The following RPTOR variants were observed in gnomAD, a reference collection of about 807,000 sequenced individuals.
RPTOR encodes the protein regulatory-associated protein of mTOR.
In RPTOR, 21 loss-of-function variants were observed where a neutral mutation model predicts 169.9. The ratio of observed to expected loss-of-function variants is 0.12; its 90% CI spans 0.09 to 0.18. The LOEUF (loss-of-function observed/expected upper bound fraction) is 0.18, where lower values mean the gene tolerates loss of function less well. RPTOR is among the 10% of genes least tolerant of loss of function. The pLI, the probability that RPTOR is intolerant of heterozygous loss-of-function variation, is 1.00. For synonymous variants in RPTOR, 732 were observed against 753.2 expected (o/e 0.97, Z 0.46); for missense variants, 1,133 against 1,855.9 (o/e 0.61, Z 7.16).
intron 6 of RPTOR, among the ~76,000 whole-genome samples, chr17:80,782,973 G>A (rs559788219): frequency 4.0e-4 from 61 of 152,348 alleles, no homozygotes; most frequent in South Asian, 8.3e-4. Context: ...ACACCCCAGA[G>A]CTACTGGGGG....
At chr17:80,619,479 T>C (rs529066231) in intron 1 of RPTOR, among the ~76,000 whole-genome samples, 2 of 152,290 alleles carry the variant, frequency 1.3e-5, no homozygotes, top group East Asian at 3.9e-4. Flanking sequence ...CTTTGAATTC[T>C]TTGGGAGGTG....
At position 80,754,097 on chromosome 17, in the gene RPTOR, G is replaced by A; in HGVS notation, c.742G>A (p.Ala248Thr). 6.2e-7 allele frequency: 1 copy of A among 1,613,956 alleles called. No individual in the cohort carries two copies. Among genetic ancestry groups the A allele is most frequent in the Non-Finnish European group, 8.5e-7 (1 of 1,180,006 alleles). The change falls in exon 6 of 34, where the codon GCC (alanine) becomes ACC (threonine). Residue 248 changes from alanine to threonine, a missense_variant. This residue lies in a region of RPTOR where 289 missense variants were observed against 585.8 expected (regional missense o/e 0.49). Transcript: ENST00000306801. The surrounding 1 kb of genome is among the most constrained non-coding windows in gnomAD (Gnocchi z 4.2). Reference protein sequence around the residue: ...KNCIQLAACEATELLPMIPDL... With the variant: ...KNCIQLAACETTELLPMIPDL... ...CTGCATCCAGCTGGCAGCCTGCGAG[G>A]CCACCGAGCTGCTGCCCATGATCCC...
intron 6 of RPTOR, among the ~76,000 whole-genome samples, chr17:80,756,361 G>A (rs907793835): frequency 6.6e-6 from 1 of 152,242 alleles, no homozygotes; most frequent in Non-Finnish European, 1.5e-5. Flanking sequence ...TAGATGAAGA[G>A]AAGCTGCTTG....
chr17:80,756,274 G>C (rs577558609), intron 6 of RPTOR, among the ~76,000 whole-genome samples: 2 of 152,316 alleles, frequency 1.3e-5, no homozygotes, highest in Admixed American at 1.3e-4. Flanking sequence ...GGCACAGCAA[G>C]AAGGTCCTTG....
At chr17:80,886,466 T>A (rs2068247751) in intron 17 of RPTOR, among the ~76,000 whole-genome samples, 1 of 152,250 alleles carries the variant, frequency 6.6e-6, no homozygotes, top group Admixed American at 6.5e-5. Context: ...GAATTCTTTT[T>A]CCCACATCAA....
At chr17:80,812,463 T>G (rs1259372042) in intron 7 of RPTOR, among the ~76,000 whole-genome samples, 1 of 152,078 alleles carries the variant, frequency 6.6e-6, no homozygotes, top group Non-Finnish European at 1.5e-5. Flanking sequence ...CCTTTTAGAG[T>G]CTCAGCTCAA....
At chr17:80,867,382 C>T (rs1303338225) in intron 13 of RPTOR, among the ~76,000 whole-genome samples, 2 of 151,542 alleles carry the variant, frequency 1.3e-5, no homozygotes, top group African/African-American at 2.4e-5. Context: ...AAACTCCCTG[C>T]AGACTCCTAA....
At chr17:80,798,169 C>T (rs1292036793) in intron 7 of RPTOR, among the ~76,000 whole-genome samples, 1 of 152,210 alleles carries the variant, frequency 6.6e-6, no homozygotes, top group Non-Finnish European at 1.5e-5. Flanking sequence ...GCAAGGGAGT[C>T]ACCTCTCTGA....
At chr17:80,926,427 C>T (rs529942723) in intron 24 of RPTOR, among the ~76,000 whole-genome samples, 1 of 152,328 alleles carries the variant, frequency 6.6e-6, no homozygotes, top group Admixed American at 6.5e-5. Flanking sequence ...AAGCATCAAA[C>T]GCCTTAAATA....
rs562109125 is a variant in RPTOR, at chr17:80,550,798, G to A, written c.162+5007G>A. ...TGCAGCCCCAGTCCAGGCAGCCACC[G>A]TCTCTTGTCTGGACACTGCATTTGT... On this transcript the variant is annotated intron_variant, in intron 1 of 33. Transcript: ENST00000306801. Among the ~76,000 whole-genome samples, 17 of 152,296 alleles carry A rather than the reference G, an allele frequency of 1.1e-4. No individual in the cohort carries two copies. The East Asian group carries it at 1.5e-3, about 14-fold the overall frequency.
chr17:80,659,518 AT>A lies in RPTOR; in HGVS notation c.348+15716del, dbSNP rs1163266027. ...GGCTAATTTTTATTTTTATTTATTT[AT>A]TTTTTTTCAGTTGGAGTTTCTCTCT... On this transcript the variant is annotated intron_variant, in intron 3 of 33. Transcript: ENST00000306801. This position sits in a 1 kb window ranked among gnomAD's most constrained non-coding sequence, Gnocchi z 4.3. 6.6e-6 allele frequency among the ~76,000 whole-genome samples: 1 copy of A among 150,950 alleles called. No homozygotes were observed. The highest frequency in any genetic ancestry group is 1.5e-5 in the Non-Finnish European group (1 of 67,768).
intron 1 of RPTOR, among the ~76,000 whole-genome samples, chr17:80,621,937 A>G (rs1189003436): frequency 6.6e-6 from 1 of 152,226 alleles, no homozygotes; most frequent in Non-Finnish European, 1.5e-5. Context: ...CGGCGGTGGC[A>G]CTTGGCCACG....
rs1340303209 is a variant in RPTOR at position 80,957,464 on chromosome 17, T to A, written c.3371-160T>A. Among the ~76,000 whole-genome samples, 1 of 152,232 alleles carries A rather than the reference T, an allele frequency of 6.6e-6. No individual in the cohort carries two copies. The highest frequency in any genetic ancestry group is 1.5e-5 in the Non-Finnish European group (1 of 68,042). On this transcript the variant is annotated intron_variant, in intron 28 of 33. Coordinates refer to ENST00000306801, the MANE Select transcript of RPTOR (RefSeq NM_020761.3). This position sits in a 1 kb window ranked among gnomAD's most constrained non-coding sequence, Gnocchi z 4.6. ...TGGACGTGGGGCACACCAGGGTCCCTAGCGGGAGCTCATATGAGGCATATG... is the reference window on the plus strand; with the variant it reads ...TGGACGTGGGGCACACCAGGGTCCCAAGCGGGAGCTCATATGAGGCATATG...
chr17:80,693,068 T>C (rs2066006129), intron 3 of RPTOR, among the ~76,000 whole-genome samples: 1 of 152,272 alleles, frequency 6.6e-6, no homozygotes, highest in African/African-American at 2.4e-5. Context: ...TTCTTGTTGC[T>C]GTATTAGACT....
At chr17:80,784,262 T>A (rs1007861998) in intron 6 of RPTOR, among the ~76,000 whole-genome samples, 6 of 152,152 alleles carry the variant, frequency 3.9e-5, no homozygotes, top group Non-Finnish European at 8.8e-5. Context: ...CACATACTTT[T>A]AAATTTAGTT....
At chr17:80,963,169 C>A in intron 33 of RPTOR, 112 bp downstream of exon 33, 1 of 1,058,028 alleles carries the variant, frequency 9.5e-7, no homozygotes, top group Non-Finnish European at 1.4e-6. Context: ...CACAGTGGGG[C>A]CCATTGGCTG....
chr17:80,646,580 T>C lies in RPTOR; in HGVS notation c.348+2770T>C, dbSNP rs1415157489. ...GTGTGCAAGGGGCCTGGTTCCTGAC[T>C]GTAAATCAGGGTCCTTTGAAACATT... On this transcript the variant is annotated intron_variant, in intron 3 of 33. Transcript: ENST00000306801. This position sits in a 1 kb window ranked among gnomAD's most constrained non-coding sequence, Gnocchi z 5.0. 2.6e-5 allele frequency among the ~76,000 whole-genome samples: 4 copies of C among 152,212 alleles called. No homozygotes were observed. The highest frequency in any genetic ancestry group is 5.9e-5 in the Non-Finnish European group (4 of 68,026).
At chr17:80,945,111 C>A (rs570126016) in intron 25 of RPTOR, among the ~76,000 whole-genome samples, 2 of 151,162 alleles carry the variant, frequency 1.3e-5, no homozygotes, top group African/African-American at 2.4e-5. Flanking sequence ...CCGGGCAACA[C>A]AGTAAGACCC....
chr17:80,926,210 C>G (rs1333168849), intron 24 of RPTOR, among the ~76,000 whole-genome samples: 2 of 152,242 alleles, frequency 1.3e-5, no homozygotes, highest in Non-Finnish European at 2.9e-5. Context: ...GACCCCATGA[C>G]AGCTCAGTCC....
Sources: allele counts gnomAD v4.1 joint callset (sites outside exome capture counted in the v4.1 genomes callset), GRCh38; gene constraint gnomAD v4.1.1; regional missense constraint gnomAD v4.1.1; non-coding constraint Gnocchi (gnomAD v3.1); transcripts MANE v1.5; gene names NCBI Gene and HGNC (gene_info 2026-07-23, HGNC 2026-07-21).